CHIC2: variants seen among roughly 807,000 people sequenced by gnomAD.
The protein encoded by CHIC2 is cysteine-rich hydrophobic domain-containing protein 2.
CHIC2 carries 14 observed loss-of-function variants against 25.9 expected under a neutral mutation model. That is an observed-to-expected ratio of 0.54 (90% CI 0.36 to 0.85). CHIC2 has a LOEUF of 0.85. CHIC2 is among the 40% of genes least tolerant of loss of function. The probability of loss-of-function intolerance (pLI) is 0.01; values close to 1 mark genes in which losing one functional copy is unlikely to be tolerated. For synonymous variants in CHIC2, 70 were observed against 72.0 expected, an observed-to-expected ratio of 0.97 and a Z score of 0.14; for missense variants, 146 against 202.0, an observed-to-expected ratio of 0.72 and a Z score of 1.68.
At chr4:54,089,445 G>A in the CHIC2 span, among the ~76,000 whole-genome samples, 4 of 149,908 alleles carry the variant, frequency 2.7e-5, no homozygotes, top group Admixed American at 6.6e-5. Flanking sequence ...CAAAATATTT[G>A]ATCAAAATAT....
At chr4:54,077,673 G>A in the CHIC2 span, among the ~76,000 whole-genome samples, 6 of 152,174 alleles carry the variant, frequency 3.9e-5, no homozygotes, top group Admixed American at 3.9e-4. Context: ...AAATGTACTT[G>A]CAAGGCTGTT....
upstream of CHIC2, among the ~76,000 whole-genome samples, chr4:54,069,090 A>G (rs1176017070): frequency 2.0e-5 from 3 of 152,174 alleles, no homozygotes; most frequent in Non-Finnish European, 4.4e-5. Flanking sequence ...ACAGAGGTAC[A>G]ATCACCATTC....
chr4:54,063,167 T>C (rs754656205), intron 1 of CHIC2, among the ~76,000 whole-genome samples: 61 of 152,248 alleles, frequency 4.0e-4, no homozygotes, highest in Non-Finnish European at 8.5e-4. Context: ...CACCAAAATA[T>C]AATGAAGACT....
At chr4:54,052,575 A>C (rs1717034462) in intron 1 of CHIC2, among the ~76,000 whole-genome samples, 1 of 152,196 alleles carries the variant, frequency 6.6e-6, no homozygotes, top group Non-Finnish European at 1.5e-5. Flanking sequence ...AGGAAGCTGA[A>C]CCCCCTTCAG....
At chr4:54,030,414 T>C (rs976411080) in intron 3 of CHIC2, among the ~76,000 whole-genome samples, 4 of 151,416 alleles carry the variant, frequency 2.6e-5, no homozygotes, top group Non-Finnish European at 5.9e-5. Context: ...TCCCGCCTAC[T>C]TGGGAGGGTG....
At chr4:54,074,597 AACACACAC>A in the CHIC2 span, among the ~76,000 whole-genome samples, 10 of 139,712 alleles carry the variant, frequency 7.2e-5, no homozygotes, top group East Asian at 2.1e-4. Flanking sequence ...ACAACACACA[AACACACAC>A]ACACACACAC....
chr4:54,040,170 G>T (rs1716519764), intron 3 of CHIC2, among the ~76,000 whole-genome samples: 1 of 152,072 alleles, frequency 6.6e-6, no homozygotes, highest in Non-Finnish European at 1.5e-5. Flanking sequence ...AAAAATCACA[G>T]AACTGTTTAT....
In CHIC2 at chr4:54,064,347, T is replaced by A; in HGVS notation, c.-47A>T. ...GCCCAAAGGGCCTGACTCCCGGGGT[T>A]GGCGCCGGGGTACCGGCGGGCGAGG... On this transcript the variant is annotated 5_prime_UTR_variant, in exon 1 of 6. Transcript: ENST00000263921. This position sits in a 1 kb window ranked among gnomAD's most constrained non-coding sequence, Gnocchi z 4.2. 2 of 1,609,102 alleles carry A rather than the reference T, an allele frequency of 1.2e-6. 1 individual carries two copies.
At chr4:54,075,904 A>G in the CHIC2 span, among the ~76,000 whole-genome samples, 63 of 152,174 alleles carry the variant, frequency 4.1e-4, no homozygotes, top group African/African-American at 1.5e-3. Context: ...TTCATTTGCA[A>G]TGTCACATCT....
At chr4:54,061,594 T>C (rs865855324) in intron 1 of CHIC2, among the ~76,000 whole-genome samples, 40 of 152,174 alleles carry the variant, frequency 2.6e-4, no homozygotes, top group Admixed American at 3.9e-4. Flanking sequence ...TCTTCCCATT[T>C]ATATTTAAAG....
intron 1 of CHIC2, among the ~76,000 whole-genome samples, chr4:54,050,375 T>C (rs768179734): frequency 1.1e-4 from 16 of 152,138 alleles, no homozygotes; most frequent in Non-Finnish European, 2.2e-4. Flanking sequence ...TCCTCCAGTC[T>C]ATAGTCATAA....
At chr4:54,043,988 G>C (rs953531512) in intron 3 of CHIC2, among the ~76,000 whole-genome samples, 1 of 152,064 alleles carries the variant, frequency 6.6e-6, no homozygotes, top group African/African-American at 2.4e-5. Context: ...AACAAAAAAA[G>C]GCAGGGGTTG....
intron 3 of CHIC2, among the ~76,000 whole-genome samples, chr4:54,032,294 T>TACAG (rs1459068562): frequency 2.1e-5 from 2 of 93,696 alleles, no homozygotes; most frequent in Non-Finnish European, 4.0e-5. Context: ...CCTCTCCCTC[T>TACAG]ACGGTCTCCC....
At chr4:54,048,491 TATTA>T (rs1213213084) in intron 3 of CHIC2, among the ~76,000 whole-genome samples, 1 of 152,232 alleles carries the variant, frequency 6.6e-6, no homozygotes, top group Non-Finnish European at 1.5e-5. Flanking sequence ...GTAAGAATAC[TATTA>T]ATTAATACTT....
chr4:54,073,284 C>T, the CHIC2 span, among the ~76,000 whole-genome samples: 1 of 152,148 alleles, frequency 6.6e-6, no homozygotes, highest in African/African-American at 2.4e-5. Context: ...GATAGCCAGC[C>T]TTCAGGATGG....
chr4:54,087,050 T>C, the CHIC2 span: 2 of 1,151,790 alleles, frequency 1.7e-6, no homozygotes, highest in Middle Eastern at 2.0e-4. Context: ...AGAAGGCAGC[T>C]GGTCCACAGC....
At chr4:54,084,687 C>T in the CHIC2 span, among the ~76,000 whole-genome samples, 2 of 152,070 alleles carry the variant, frequency 1.3e-5, no homozygotes, top group African/African-American at 4.8e-5. Flanking sequence ...CACCTGTAAT[C>T]CCAGTACGTT....
Position 54,014,090 on chromosome 4 carries a change from T to C in CHIC2, c.360A>G (p.Glu120=), listed in dbSNP as rs376528618. 10 of 1,613,280 alleles carry C rather than the reference T, an allele frequency of 6.2e-6. No homozygotes were observed. In the African/African-American group the frequency reaches 1.1e-4, roughly 17 times the overall value. ...TGTGGTATAACCTATTGTTTTCCCA[T>C]TCTAATAACTTCTCAATCGATCTTC... is the stretch of plus-strand genomic sequence containing the variant. ...RTRRSIEKLL[E]WENNRLYHKL... is the part of the protein sequence containing the mutation. Residue 120 remains glutamate (E), a synonymous_variant, in exon 4 of 6, where the codon GAA becomes GAG. Coordinates refer to ENST00000263921, the MANE Select transcript of CHIC2 (RefSeq NM_012110.4).
At chr4:54,085,003 A>G in the CHIC2 span, among the ~76,000 whole-genome samples, 2 of 151,316 alleles carry the variant, frequency 1.3e-5, no homozygotes, top group Non-Finnish European at 2.9e-5. Flanking sequence ...GCATAGAGAC[A>G]AAATCTGTGA....
Sources: gnomAD v4.1 joint callset for allele counts (sites outside exome capture counted in the v4.1 genomes callset) on GRCh38, gnomAD v4.1.1 for gene constraint, Gnocchi (gnomAD v3.1) non-coding constraint, MANE v1.5 for transcripts, NCBI Gene and HGNC (gene_info 2026-07-23, HGNC 2026-07-21) for gene names.